Variants in TTC7A observed in about 807,000 individuals in gnomAD.
TTC7A encodes the protein tetratricopeptide repeat domain 7A, also known as tetratricopeptide repeat protein 7A.
TTC7A carries 110 observed loss-of-function variants against 103.7 expected under a neutral mutation model. The ratio of observed to expected loss-of-function variants is 1.06; its 90% CI spans 0.91 to 1.24. The LOEUF (loss-of-function observed/expected upper bound fraction) is 1.24, where lower values mean the gene tolerates loss of function less well. TTC7A is among the 50% of genes most tolerant of loss of function. TTC7A has a pLI of 0.00. For synonymous variants in TTC7A, 521 were observed against 467.9 expected, an observed-to-expected ratio of 1.11 and a Z score of -1.47; for missense variants, 1,340 against 1,116.3, an observed-to-expected ratio of 1.20 and a Z score of -2.86.
Position 47,021,844 on chromosome 2 carries a change from T to G in TTC7A, c.1393-18T>G. The G allele has an allele frequency of 6.2e-7, 1 of 1,608,304 alleles. No homozygotes were observed. Among genetic ancestry groups the G allele is most frequent in the Non-Finnish European group, 8.5e-7 (1 of 1,174,718 alleles). On this transcript the variant is annotated intron_variant, in intron 11 of 19. Transcript: ENST00000319190. ...ACTCCAACCCCACCTCCATGACCTC[T>G]GTCTCTCCTCTTTGCAGCTAGAGGA...
intron 5 of TTC7A, among the ~76,000 whole-genome samples, chr2:46,990,464 G>C (rs914419735): frequency 6.6e-6 from 1 of 152,212 alleles, no homozygotes; most frequent in African/African-American, 2.4e-5. Context: ...TCACAAAGCC[G>C]AAGGGTCCCT....
At chr2:46,961,257 G>A (rs1672343504) in intron 3 of TTC7A, among the ~76,000 whole-genome samples, 1 of 152,194 alleles carries the variant, frequency 6.6e-6, no homozygotes, top group Non-Finnish European at 1.5e-5. Flanking sequence ...TTGGTAAAAA[G>A]GGAACATCAT....
At chr2:46,970,546 C>A (rs903189620) in intron 3 of TTC7A, among the ~76,000 whole-genome samples, 1 of 152,246 alleles carries the variant, frequency 6.6e-6, no homozygotes, top group Non-Finnish European at 1.5e-5. Flanking sequence ...CTCAGCACAT[C>A]TCTCCGGGGA....
At chr2:46,955,960 A>G (rs1190025513) in intron 2 of TTC7A, among the ~76,000 whole-genome samples, 2 of 152,174 alleles carry the variant, frequency 1.3e-5, no homozygotes, top group Non-Finnish European at 2.9e-5. Context: ...GCCAGAGCAA[A>G]TGGCCTGCAG....
chr2:47,015,285 CT>C lies in TTC7A; in HGVS notation c.1392+3852del, dbSNP rs140522185. ...CTCCAATTATTTAAAATTCATTTAA[CT>C]TAAAAAGTTGAAACCTTTACAGGAG... is the stretch of plus-strand genomic sequence containing the variant. On this transcript the variant is annotated intron_variant, in intron 11 of 19. Transcript: ENST00000319190. Among the ~76,000 whole-genome samples, 780 of 152,316 alleles carry C rather than the reference CT, an allele frequency of 5.1e-3. 5 individuals carry two copies. The highest frequency in any genetic ancestry group is 0.018 in the African/African-American group (745 of 41,546).
At chr2:46,918,843 A>C (rs1049293617) in intron 2 of TTC7A, among the ~76,000 whole-genome samples, 1 of 152,234 alleles carries the variant, frequency 6.6e-6, no homozygotes, top group Non-Finnish European at 1.5e-5. Flanking sequence ...GAAATAACTG[A>C]TTTGAAAGCA....
Position 47,031,681 on chromosome 2 carries a change from G to A in TTC7A, c.1802+2297G>A, listed in dbSNP as rs762425040. Among the ~76,000 whole-genome samples, 145 of 152,358 alleles carry A rather than the reference G, an allele frequency of 9.5e-4. 1 individual carries two copies. Among genetic ancestry groups the A allele is most frequent in the Middle Eastern group, 3.4e-3 (1 of 294 alleles). ...CTGATGGAGCCAAGGAAGGTGATTTGTACCTGCCCAGTTCCAGCTGAGGGG... is the reference window on the plus strand; with the variant it reads ...CTGATGGAGCCAAGGAAGGTGATTTATACCTGCCCAGTTCCAGCTGAGGGG... On this transcript the variant is annotated intron_variant, in intron 15 of 19. Transcript: ENST00000319190.
At chr2:46,968,273 C>T (rs746927300) in intron 3 of TTC7A, among the ~76,000 whole-genome samples, 8 of 152,220 alleles carry the variant, frequency 5.3e-5, no homozygotes, top group Admixed American at 2.6e-4. Context: ...GGTATTGGCA[C>T]AGAAAGGCCC....
intron 18 of TTC7A, among the ~76,000 whole-genome samples, chr2:47,057,065 A>T (rs1352182533): frequency 6.6e-6 from 1 of 152,216 alleles, no homozygotes; most frequent in Non-Finnish European, 1.5e-5. Context: ...CCGTGGGTGG[A>T]TGCGGCGCCC....
In TTC7A at chr2:47,060,928, C is replaced by T. The variant is rs538380438; in HGVS notation, c.2312C>T (p.Ala771Val). 90 of 1,614,056 alleles carry T rather than the reference C, an allele frequency of 5.6e-5. No individual in the cohort carries two copies. The highest frequency in any genetic ancestry group is 7.4e-5 in the Non-Finnish European group (87 of 1,179,966). The change falls in exon 19 of 20, where the codon GCG becomes GTG. Residue 771 changes from alanine to valine, a missense_variant. Ala to Val is a moderately conservative substitution (Grantham distance 64). Coordinates refer to ENST00000319190, the MANE Select transcript of TTC7A (RefSeq NM_020458.4). ...LEEAKQLYKEALTVNPDGVRI... is the reference protein window; with the variant it reads ...LEEAKQLYKEVLTVNPDGVRI... ...GAGGCCAAGCAGCTGTACAAGGAGG[C>T]GCTCACGGTGAACCCAGATGGCGTG...
intron 2 of TTC7A, among the ~76,000 whole-genome samples, chr2:46,931,877 G>T (rs1669725283): frequency 6.6e-6 from 1 of 152,122 alleles, no homozygotes; most frequent in Non-Finnish European, 1.5e-5. Context: ...CCATTTAAAT[G>T]TGTGCTAATT....
intron 8 of TTC7A, 127 bp downstream of exon 8, chr2:46,995,326 A>G: frequency 2.2e-6 from 2 of 919,290 alleles, no homozygotes; most frequent in Non-Finnish European, 3.4e-6. Context: ...CCTAAAGTAG[A>G]TGCTTCTTGG....
intron 13 of TTC7A, among the ~76,000 whole-genome samples, chr2:47,023,669 C>A (rs1208879222): frequency 6.6e-6 from 1 of 152,114 alleles, no homozygotes; most frequent in African/African-American, 2.4e-5. Flanking sequence ...TGGGGGGCTC[C>A]AGCAGCCACA....
chr2:47,029,524 G>C, intron 15 of TTC7A, 140 bp downstream of exon 15: 1 of 991,396 alleles, frequency 1.0e-6, no homozygotes, highest in Non-Finnish European at 1.5e-6. Context: ...CTGGTGGAGA[G>C]ACAGGGGTGA....
chr2:47,014,041 G>A (rs1456316109), intron 11 of TTC7A, among the ~76,000 whole-genome samples: 5 of 152,196 alleles, frequency 3.3e-5, no homozygotes, highest in Admixed American at 2.0e-4. Flanking sequence ...TGTTTCTTGA[G>A]TGCAGGAATT....
At position 47,074,018 on chromosome 2, in the gene TTC7A, G is replaced by A. The variant is rs1558657941; in HGVS notation, c.*95G>A. ...GGGCAACAGTGGCATCAGGTGCGGG[G>A]CCTCAGGGAAATACATCTTTAGTGA... On this transcript the variant is annotated 3_prime_UTR_variant, in exon 20 of 20. Coordinates refer to ENST00000319190, the MANE Select transcript of TTC7A (RefSeq NM_020458.4). 2.1e-6 allele frequency: 2 copies of A among 949,904 alleles called. No homozygotes were observed. The highest frequency in any genetic ancestry group is 2.3e-5 in the Admixed American group (1 of 42,602). The allele number at this position is 949,904 out of a possible 1,614,324, so 58.8% of individuals were successfully genotyped here.
intron 11 of TTC7A, among the ~76,000 whole-genome samples, chr2:47,021,200 G>A (rs920363969): frequency 6.6e-6 from 1 of 152,198 alleles, no homozygotes; most frequent in Non-Finnish European, 1.5e-5. Flanking sequence ...GGAGGCATGT[G>A]TGCCATGAGT....
intron 19 of TTC7A, among the ~76,000 whole-genome samples, chr2:47,066,854 C>T (rs1198851427): frequency 6.6e-6 from 1 of 152,180 alleles, no homozygotes. Context: ...CCATGTGTGG[C>T]CTTTTTAAAA....
At chr2:46,948,202 C>T (rs1671102661) in intron 1 of TTC7A, among the ~76,000 whole-genome samples, 1 of 152,182 alleles carries the variant, frequency 6.6e-6, no homozygotes, top group Non-Finnish European at 1.5e-5. Flanking sequence ...GGCCAGCATC[C>T]TGAGGGGTGT....
Sources: allele counts gnomAD v4.1 joint callset (sites outside exome capture counted in the v4.1 genomes callset), GRCh38; gene constraint gnomAD v4.1.1; transcripts MANE v1.5; gene names NCBI Gene and HGNC (gene_info 2026-07-23, HGNC 2026-07-21).